DUS2: variants seen among roughly 807,000 people sequenced by gnomAD.
The protein encoded by DUS2 is tRNA-dihydrouridine(20) synthase [NAD(P)+]-like.
A neutral mutation model predicts 71.3 loss-of-function variants in DUS2; 52 were observed. The observed-to-expected ratio is 0.73, with a 90% CI of 0.58 to 0.92. The LOEUF (loss-of-function observed/expected upper bound fraction) is 0.92. Ranked by LOEUF, DUS2 falls within the 40% of genes least tolerant of loss-of-function variation. DUS2 has a pLI of 0.00. For synonymous variants in DUS2, 204 were observed against 227.8 expected, an observed-to-expected ratio of 0.90 and a Z score of 0.94; for missense variants, 558 against 622.6, an observed-to-expected ratio of 0.90 and a Z score of 1.10.
chr16:68,027,797 T>C (rs1364850549), intron 2 of DUS2, among the ~76,000 whole-genome samples: 3 of 151,340 alleles, frequency 2.0e-5, no homozygotes, highest in African/African-American at 4.8e-5. Context: ...GAGGAGGTGA[T>C]GAGGTTCTAA....
intron 3 of DUS2, among the ~76,000 whole-genome samples, chr16:68,045,612 A>G (rs576323885): frequency 1.4e-5 from 2 of 141,830 alleles, no homozygotes; most frequent in South Asian, 4.4e-4. Flanking sequence ...ACTCTGTCTT[A>G]AAAAAAAAAA....
chr16:68,044,982 G>A (rs1194096209), intron 3 of DUS2, among the ~76,000 whole-genome samples: 2 of 151,378 alleles, frequency 1.3e-5, no homozygotes, highest in Non-Finnish European at 2.9e-5. Flanking sequence ...TAATAGAAAT[G>A]GGGTTTCACC....
intron 2 of DUS2, among the ~76,000 whole-genome samples, chr16:68,031,640 G>A (rs1276191773): frequency 1.3e-5 from 2 of 149,074 alleles, no homozygotes; most frequent in Non-Finnish European, 3.0e-5. Context: ...TTTCTTTAAT[G>A]TCTTTTTTTT....
chr16:68,042,261 A>T (rs2033635884), intron 3 of DUS2, among the ~76,000 whole-genome samples: 1 of 152,150 alleles, frequency 6.6e-6, no homozygotes, highest in South Asian at 2.1e-4. Flanking sequence ...TTATCCATTC[A>T]TCCGTTAATG....
At chr16:68,053,417 CAT>C (rs1383584702) in intron 4 of DUS2, 145 bp from the exon 5 acceptor site, 2 of 687,562 alleles carry the variant, frequency 2.9e-6, no homozygotes, top group Non-Finnish European at 5.0e-6. Flanking sequence ...CTCCCATGTG[CAT>C]AGTTATTTTT....
intron 11 of DUS2, among the ~76,000 whole-genome samples, chr16:68,070,443 A>G (rs1454891074): frequency 6.6e-6 from 1 of 152,192 alleles, no homozygotes; most frequent in Non-Finnish European, 1.5e-5. Flanking sequence ...GATGAAATGT[A>G]CAGAGACAGA....
intron 10 of DUS2, among the ~76,000 whole-genome samples, chr16:68,068,303 A>C (rs1218271818): frequency 1.3e-5 from 2 of 152,218 alleles, no homozygotes; most frequent in Non-Finnish European, 2.9e-5. Context: ...AGAGCAAAGC[A>C]GAGTTGCTTG....
intron 15 of DUS2, among the ~76,000 whole-genome samples, chr16:68,077,038 C>G (rs889600356): frequency 2.0e-5 from 3 of 151,846 alleles, no homozygotes; most frequent in Non-Finnish European, 4.4e-5. Flanking sequence ...AGGTGGAACA[C>G]GAGGTCAGGA....
intron 7 of DUS2, among the ~76,000 whole-genome samples, chr16:68,057,071 G>A (rs2033867586): frequency 1.6e-5 from 2 of 127,910 alleles, no homozygotes; most frequent in African/African-American, 2.9e-5. Context: ...TAATATATAT[G>A]TTATAAATAT....
intron 2 of DUS2, among the ~76,000 whole-genome samples, chr16:68,026,800 C>T (rs924716544): frequency 1.4e-5 from 2 of 144,320 alleles, no homozygotes; most frequent in African/African-American, 5.2e-5. Context: ...TGCTTGAACC[C>T]GGGAGGCGGA....
chr16:68,023,390 C>T, intron 1 of DUS2, 39 bp downstream of exon 1: 1 of 714,508 alleles, frequency 1.4e-6, no homozygotes, highest in Non-Finnish European at 2.3e-6. Flanking sequence ...CATCCAGACC[C>T]GGCCAGCCTT....
In DUS2 at chr16:68,035,722, G is replaced by GT. The variant is rs1289168836; in HGVS notation, c.-18-2272dup. 6.0e-3 allele frequency among the ~76,000 whole-genome samples: 823 copies of GT among 137,110 alleles called. 15 individuals are homozygous for GT. The highest frequency in any genetic ancestry group is 0.016 in the African/African-American group (585 of 36,328). 89.9% of individuals were successfully genotyped at this position (137,110 alleles called of 152,430 possible). ...TCATTCTATGTGGTTTTTTTTTTTG[G>GT]TTTTTTTTTTTTGAGACATTTACCC... is the stretch of plus-strand genomic sequence containing the variant. On this transcript the variant is annotated intron_variant, in intron 2 of 16. Coordinates refer to ENST00000565263, the MANE Select transcript of DUS2 (RefSeq NM_017803.5).
At position 68,066,677 on chromosome 16, in the gene DUS2, A is replaced by G. The variant is rs371755202; in HGVS notation, c.554+41A>G. On this transcript the variant is annotated intron_variant, in intron 10 of 16. Coordinates refer to ENST00000565263, the MANE Select transcript of DUS2 (RefSeq NM_017803.5). ...TCTAGTGACTGGCAGGGAGGTCCTA[A>G]CCCATCTTAGTGATCCTTCCTTAAT... 741 of 1,595,342 alleles carry G rather than the reference A, an allele frequency of 4.6e-4. 1 individual carries two copies. Among genetic ancestry groups the G allele is most frequent in the Non-Finnish European group, 5.3e-4 (619 of 1,163,654 alleles).
Position 68,023,344 on chromosome 16 carries a change from G to A in DUS2, c.-106G>A, listed in dbSNP as rs1326258308. ...AAGCGAGGTTCTTTTTAAGAGTTCAGCTGCGAGGTCTGTAGCTCCGAATAG... is the reference window on the plus strand; with the variant it reads ...AAGCGAGGTTCTTTTTAAGAGTTCAACTGCGAGGTCTGTAGCTCCGAATAG... On this transcript the variant is annotated 5_prime_UTR_variant, in exon 1 of 17. Transcript: ENST00000565263. 1.1e-5 allele frequency: 11 copies of A among 1,042,372 alleles called. No individual in the cohort carries two copies. The East Asian group carries it at 3.0e-4, about 28-fold the overall frequency. 64.6% of individuals were successfully genotyped at this position (1,042,372 alleles called of 1,614,324 possible).
chr16:68,064,786 G>C (rs2151423250), intron 8 of DUS2, among the ~76,000 whole-genome samples: 2 of 152,332 alleles, frequency 1.3e-5, no homozygotes, highest in South Asian at 4.1e-4. Flanking sequence ...TCTTGCTCAT[G>C]AACTGTCTGT....
At chr16:68,053,511 C>T (rs143958641) in intron 4 of DUS2, 53 bp from the exon 5 acceptor site, 37 of 1,558,932 alleles carry the variant, frequency 2.4e-5, no homozygotes, top group Middle Eastern at 1.7e-4. Flanking sequence ...CTTAGGCTAG[C>T]GTTGAACTTG....
rs372143367 is a variant in DUS2, at chr16:68,054,597, C to G, written c.288C>G (p.Ala96=). 1.9e-6 allele frequency: 3 copies of G among 1,613,962 alleles called. No homozygotes were observed. The African/African-American group carries it at 4.0e-5, about 22-fold the overall frequency. ...AGGGGACTTCAGACGCAGAGCGAGCCCTTGCTGTGGCCAGGCTTGTGTAAG... is the reference window on the plus strand; with the variant it reads ...AGGGGACTTCAGACGCAGAGCGAGCGCTTGCTGTGGCCAGGCTTGTGTAAG... The part of the protein sequence containing the change: ...FQMGTSDAER[A]LAVARLVEND... The change falls in exon 6 of 17, where the codon GCC becomes GCG. Residue 96 remains alanine (A), a synonymous_variant. Transcript: ENST00000565263.
chr16:68,041,543 T>A (rs186137035), intron 3 of DUS2, among the ~76,000 whole-genome samples: 1 of 152,188 alleles, frequency 6.6e-6, no homozygotes, highest in Non-Finnish European at 1.5e-5. Context: ...CCAAGCACAG[T>A]GGCTCATGCC....
rs569605075 is a variant in DUS2 at position 68,046,959 on chromosome 16, C to G, written c.127-2546C>G. Among the ~76,000 whole-genome samples, 5 of 151,874 alleles carry G rather than the reference C, an allele frequency of 3.3e-5. No homozygotes were observed. The East Asian group carries it at 9.7e-4, about 29-fold the overall frequency. On this transcript the variant is annotated intron_variant, in intron 3 of 16. Transcript: ENST00000565263. Reference sequence around the variant, plus strand: ...TAGAGACGGGGTTTCACTGTGTTAGCCAGGATGGTCTTGATCTCCTGACCT... The same window carrying G: ...TAGAGACGGGGTTTCACTGTGTTAGGCAGGATGGTCTTGATCTCCTGACCT...
Sources: allele counts gnomAD v4.1 joint callset (sites outside exome capture counted in the v4.1 genomes callset), GRCh38; gene constraint gnomAD v4.1.1; transcripts MANE v1.5; gene names NCBI Gene and HGNC (gene_info 2026-07-23, HGNC 2026-07-21).